Variants in MYH2 observed in about 807,000 individuals in gnomAD.
MYH2 encodes myosin heavy chain 2, also known as myosin-2.
A neutral mutation model predicts 228.1 loss-of-function variants in MYH2; 139 were observed. The ratio of observed to expected loss-of-function variants is 0.61; its 90% CI spans 0.53 to 0.70. MYH2 has a LOEUF of 0.70. Among genes scored for constraint, MYH2 ranks in the 30% least tolerant of loss-of-function variants. The pLI is 0.00. For synonymous variants in MYH2, 796 were observed against 871.1 expected (o/e 0.91, Z 1.52); for missense variants, 1,809 against 2,357.5 (o/e 0.77, Z 4.82).
Position 10,539,186 on chromosome 17 carries a change from C to T in MYH2, c.1416+19G>A. On this transcript the variant is annotated intron_variant, in intron 14 of 39. Coordinates refer to ENST00000245503, the MANE Select transcript of MYH2 (RefSeq NM_017534.6). Reference sequence around the variant, plus strand: ...TTGCCTTACTGTAAAATCCTCTCACCAATCAGCTACAAACTCACATCAAAA... The same window carrying T: ...TTGCCTTACTGTAAAATCCTCTCACTAATCAGCTACAAACTCACATCAAAA... 6.2e-7 allele frequency: 1 copy of T among 1,613,948 alleles called. No homozygotes were observed. The highest frequency in any genetic ancestry group is 8.5e-7 in the Non-Finnish European group (1 of 1,179,978).
In MYH2 at chr17:10,529,546, T is replaced by C. The variant is rs374961681; in HGVS notation, c.3117+18A>G. On this transcript the variant is annotated intron_variant, in intron 24 of 39. Transcript: ENST00000245503. ...TTCCTTTAGAAGAAAAGAATGTCCT[T>C]GATGATACCAGACTTACATCATCCA... 2.5e-6 allele frequency: 4 copies of C among 1,614,224 alleles called. No homozygotes were observed. Among genetic ancestry groups the C allele is most frequent in the African/African-American group, 2.7e-5 (2 of 75,062 alleles).
intron 4 of MYH2, among the ~76,000 whole-genome samples, chr17:10,546,892 C>A (rs940602831): frequency 3.4e-5 from 5 of 147,472 alleles, no homozygotes; most frequent in South Asian, 2.2e-4. Context: ...CCAGTCTGGG[C>A]AACATAGTGA....
chr17:10,540,731 A>T, intron 10 of MYH2, 34 bp from the exon 11 acceptor site: 3 of 1,489,100 alleles, frequency 2.0e-6, no homozygotes, highest in Non-Finnish European at 1.9e-6. Context: ...GATAAACATA[A>T]TTATCTTCTT....
intron 27 of MYH2, among the ~76,000 whole-genome samples, chr17:10,528,211 C>G (rs1165109439): frequency 2.6e-5 from 4 of 151,662 alleles, no homozygotes; most frequent in Non-Finnish European, 5.9e-5. Context: ...ACTTGGTTGA[C>G]TTTTCTTATA....
intron 28 of MYH2, among the ~76,000 whole-genome samples, 188 bp from the exon 29 acceptor site, chr17:10,527,244 G>A (rs2073366791): frequency 1.3e-5 from 2 of 152,338 alleles, no homozygotes; most frequent in Admixed American, 1.3e-4. Flanking sequence ...CAATCGGAAT[G>A]AATAAATACA....
rs748961733 is a variant in MYH2 at position 10,545,471 on chromosome 17, T to C, written c.380A>G (p.Asn127Ser). Residue 127 changes from asparagine (N) to serine (S), a missense_variant, in exon 5 of 40, where the codon AAC becomes AGC. This residue lies in a region of MYH2 where 373 missense variants were observed against 620.4 expected (regional missense o/e 0.60). Transcript: ENST00000245503. ...TYSGLFCVTVNPYKWLPVYKP... is the reference protein window; with the variant it reads ...TYSGLFCVTVSPYKWLPVYKP... ...ATACACAGGCAGCCACTTGTAGGGG[T>C]TGACAGTGACACAGAAGAGACCTGA... 1 of 1,614,016 alleles carries C rather than the reference T, an allele frequency of 6.2e-7. No individual in the cohort carries two copies. Among genetic ancestry groups the C allele is most frequent in the Admixed American group, 1.7e-5 (1 of 59,994 alleles).
At chr17:10,538,305 G>A (rs1287100108) in intron 14 of MYH2, among the ~76,000 whole-genome samples, 4 of 147,658 alleles carry the variant, frequency 2.7e-5, no homozygotes, top group African/African-American at 1.0e-4. Context: ...ATTCTTTAAT[G>A]TGAAATGAAA....
At chr17:10,535,558 C>T (rs1043579917) in intron 17 of MYH2, among the ~76,000 whole-genome samples, 193 bp from the exon 18 acceptor site, 9 of 152,128 alleles carry the variant, frequency 5.9e-5, no homozygotes, top group Non-Finnish European at 8.8e-5. Flanking sequence ...CTTGAGTTTC[C>T]GAGAGTTACA....
At chr17:10,541,765 T>C (rs2086740396) in intron 10 of MYH2, among the ~76,000 whole-genome samples, 1 of 152,098 alleles carries the variant, frequency 6.6e-6, no homozygotes, top group South Asian at 2.1e-4. Flanking sequence ...TTTCTCTCTT[T>C]TGTACTCTTT....
intron 5 of MYH2, among the ~76,000 whole-genome samples, chr17:10,544,892 G>T (rs2073606247): frequency 6.6e-6 from 1 of 152,126 alleles, no homozygotes; most frequent in African/African-American, 2.4e-5. Context: ...CATATAGAGA[G>T]ACTGTTTAAT....
At chr17:10,546,268 T>TATATAC (rs2073629482) in intron 4 of MYH2, among the ~76,000 whole-genome samples, 1 of 95,034 alleles carries the variant, frequency 1.1e-5, no homozygotes, top group South Asian at 3.0e-4. Context: ...TATATATATA[T>TATATAC]ATATATATAT....
At chr17:10,530,211 G>T in intron 22 of MYH2, 137 bp from the exon 23 acceptor site, 1 of 1,426,448 alleles carries the variant, frequency 7.0e-7, no homozygotes, top group Non-Finnish European at 9.7e-7. Context: ...TTTGTTTCAT[G>T]AACCACCCTA....
intron 19 of MYH2, among the ~76,000 whole-genome samples, chr17:10,534,803 G>A (rs868233735): frequency 6.6e-6 from 1 of 152,180 alleles, no homozygotes; most frequent in Admixed American, 6.5e-5. Flanking sequence ...TGTAGTCCCA[G>A]CTACTTGGGA....
intron 11 of MYH2, 145 bp downstream of exon 11, chr17:10,540,449 T>C: frequency 4.0e-6 from 3 of 746,812 alleles, no homozygotes; most frequent in South Asian, 3.0e-5. Flanking sequence ...GGGCACATCA[T>C]ACTCTTTTCA....
chr17:10,541,318 TCC>T (rs2073551046), intron 10 of MYH2, among the ~76,000 whole-genome samples: 1 of 152,194 alleles, frequency 6.6e-6, no homozygotes, highest in African/African-American at 2.4e-5. Flanking sequence ...GAGTATGCGT[TCC>T]TAGGGGGAGG....
At position 10,537,362 on chromosome 17, in the gene MYH2, C is replaced by T; in HGVS notation, c.1768G>A (p.Asp590Asn). 1 of 1,614,182 alleles carries T rather than the reference C, an allele frequency of 6.2e-7. No homozygotes were observed. Among genetic ancestry groups the T allele is most frequent in the Non-Finnish European group, 8.5e-7 (1 of 1,180,036 alleles). Residue 590 changes from aspartate (D) to asparagine (N), a missense_variant, in exon 16 of 40, where the codon GAC (aspartate) becomes AAC (asparagine). By Grantham distance (23) the Asp-to-Asn change is conservative. This residue lies in a region of MYH2 where 41 missense variants were observed against 35.1 expected (regional missense o/e 1.17). Transcript: ENST00000245503. This position sits in a 1 kb window ranked among gnomAD's most constrained non-coding sequence, Gnocchi z 4.0. ...TCCAGCCAGCCAGTAATGTTGTAGT[C>T]CACAACACCAGCATAGTGAATCAGA... Reference protein sequence around the residue: ...FALIHYAGVVDYNITGWLEKN... With the variant: ...FALIHYAGVVNYNITGWLEKN...
At chr17:10,528,589 G>A (rs1447669093) in intron 27 of MYH2, 101 bp downstream of exon 27, 1 of 1,540,222 alleles carries the variant, frequency 6.5e-7, no homozygotes, top group African/African-American at 1.4e-5. Flanking sequence ...CTGAATTACT[G>A]CAGTTAACAA....
Position 10,531,846 on chromosome 17 carries a change from C to G in MYH2, c.2484G>C (p.Met828Ile), listed in dbSNP as rs2073428044. The change falls in exon 22 of 40, where the codon ATG (methionine) becomes ATC (isoleucine). Residue 828 changes from methionine (M) to isoleucine (I), a missense_variant. By Grantham distance (10) the Met-to-Ile change is conservative. Coordinates refer to ENST00000245503, the MANE Select transcript of MYH2 (RefSeq NM_017534.6). ...TCATCCAGGGCCAGTGCTTGACATT[C>G]ATGAAGGATCTGATATTGTACTGGA... ...FCIQYNIRSF[M>I]NVKHWPWMKL... 1 of 1,614,032 alleles carries G rather than the reference C, an allele frequency of 6.2e-7. No homozygotes were observed. Among genetic ancestry groups the G allele is most frequent in the Non-Finnish European group, 8.5e-7 (1 of 1,179,986 alleles).
chr17:10,537,563 C>G lies in MYH2; in HGVS notation c.1588-21G>C, dbSNP rs1567733844. On this transcript the variant is annotated intron_variant, in intron 15 of 39. Coordinates refer to ENST00000245503, the MANE Select transcript of MYH2 (RefSeq NM_017534.6). The surrounding 1 kb of genome is among the most constrained non-coding windows in gnomAD (Gnocchi z 4.0). Reference sequence around the variant, plus strand: ...ATAGGCTAAAAAGCAGACCACAACACAAAATTGTACTTCTATTTTTTTTTC... The same window carrying G: ...ATAGGCTAAAAAGCAGACCACAACAGAAAATTGTACTTCTATTTTTTTTTC... 2 of 1,613,856 alleles carry G rather than the reference C, an allele frequency of 1.2e-6. No individual in the cohort carries two copies. The highest frequency in any genetic ancestry group is 1.7e-6 in the Non-Finnish European group (2 of 1,179,998).
Sources: gnomAD v4.1 joint callset for allele counts (sites outside exome capture counted in the v4.1 genomes callset) on GRCh38, gnomAD v4.1.1 for gene constraint, gnomAD v4.1.1 regional missense constraint, Gnocchi (gnomAD v3.1) non-coding constraint, MANE v1.5 for transcripts, NCBI Gene and HGNC (gene_info 2026-07-23, HGNC 2026-07-21) for gene names.